STXBP3: variants seen among roughly 807,000 people sequenced by gnomAD.
STXBP3 encodes the protein syntaxin binding protein 3.
In STXBP3, 41 loss-of-function variants were observed where a neutral mutation model predicts 85.7. The observed-to-expected ratio is 0.48, with a 90% CI of 0.37 to 0.62. The LOEUF is 0.62. Among genes scored for constraint, STXBP3 ranks in the 20% least tolerant of loss-of-function variants. The pLI, the probability that STXBP3 is intolerant of heterozygous loss-of-function variation, is 0.00. For synonymous variants in STXBP3, 229 were observed against 231.7 expected (o/e 0.99, Z 0.10); for missense variants, 563 against 703.1 (o/e 0.80, Z 2.25).
At chr1:108,787,352 C>A (rs1225065254) in intron 11 of STXBP3, among the ~76,000 whole-genome samples, 1 of 152,060 alleles carries the variant, frequency 6.6e-6, no homozygotes, top group Non-Finnish European at 1.5e-5. Context: ...CCAGAGGTGT[C>A]CAAAGGAGAG....
chr1:108,802,403 A>C lies in STXBP3; in HGVS notation c.1535+2098A>C, dbSNP rs1663250855. Among the ~76,000 whole-genome samples, 4 of 152,052 alleles carry C rather than the reference A, an allele frequency of 2.6e-5. No homozygotes were observed. The South Asian group carries it at 8.3e-4, about 32-fold the overall frequency. On this transcript the variant is annotated intron_variant, in intron 17 of 18. Coordinates refer to ENST00000370008, the MANE Select transcript of STXBP3 (RefSeq NM_007269.4). ...CAGAGCAAGACTCCACCTCAAATTAATTAATTAATTAATTTATTTATTTGT... is the reference window on the plus strand; with the variant it reads ...CAGAGCAAGACTCCACCTCAAATTACTTAATTAATTAATTTATTTATTTGT...
chr1:108,750,329 G>T (rs1487408029), intron 1 of STXBP3, among the ~76,000 whole-genome samples: 1 of 152,098 alleles, frequency 6.6e-6, no homozygotes, highest in Non-Finnish European at 1.5e-5. Flanking sequence ...TAGGGTTCTA[G>T]AAGCCAGCGC....
intron 6 of STXBP3, among the ~76,000 whole-genome samples, chr1:108,770,272 G>A (rs1662355906): frequency 6.6e-6 from 1 of 152,162 alleles, no homozygotes; most frequent in African/African-American, 2.4e-5. Context: ...TCCAGCCTGG[G>A]TGACAGAGTG....
At chr1:108,797,989 A>G (rs1663144779) in intron 15 of STXBP3, among the ~76,000 whole-genome samples, 156 bp from the exon 16 acceptor site, 1 of 152,210 alleles carries the variant, frequency 6.6e-6, no homozygotes, top group African/African-American at 2.4e-5. Flanking sequence ...ATGCGACCAC[A>G]CTCAGATTTT....
intron 11 of STXBP3, among the ~76,000 whole-genome samples, chr1:108,786,006 C>G (rs1373076860): frequency 1.3e-5 from 2 of 152,204 alleles, no homozygotes; most frequent in Non-Finnish European, 2.9e-5. Context: ...CCAAACTGTT[C>G]AACCTCTGCC....
intron 11 of STXBP3, among the ~76,000 whole-genome samples, chr1:108,790,388 A>G (rs918847921): frequency 2.0e-5 from 3 of 152,042 alleles, no homozygotes; most frequent in South Asian, 2.1e-4. Flanking sequence ...TAATACCACT[A>G]TATCTTCTTT....
In STXBP3 at chr1:108,771,580, ATATC is replaced by A. The variant is rs1428213521; in HGVS notation, c.439-1081_439-1078del. Among the ~76,000 whole-genome samples the A allele has an allele frequency of 7.3e-5, 3 of 41,260 alleles. 1 individual carries two copies. The highest frequency in any genetic ancestry group is 1.4e-4 in the Non-Finnish European group (3 of 20,854). 27.1% of individuals were successfully genotyped at this position (41,260 alleles called of 152,430 possible). On this transcript the variant is annotated intron_variant, in intron 6 of 18. Coordinates refer to ENST00000370008, the MANE Select transcript of STXBP3 (RefSeq NM_007269.4). Reference sequence around the variant, plus strand: ...TATGATATATAAATATATATGATATATATCTATATATATCATATATAAATATATA... The same window carrying A: ...TATGATATATAAATATATATGATATATATATATATCATATATAAATATATA...
intron 11 of STXBP3, among the ~76,000 whole-genome samples, chr1:108,789,337 T>A (rs891346275): frequency 6.6e-6 from 1 of 152,152 alleles, no homozygotes; most frequent in African/African-American, 2.4e-5. Flanking sequence ...ATTTTTTTTT[T>A]AACCTCATCA....
chr1:108,783,923 G>A (rs972291314), intron 11 of STXBP3, among the ~76,000 whole-genome samples: 8 of 152,058 alleles, frequency 5.3e-5, no homozygotes, highest in African/African-American at 1.2e-4. Context: ...GTGCATATTG[G>A]CCATTAGGAT....
chr1:108,763,595 G>A (rs957779767), intron 6 of STXBP3, among the ~76,000 whole-genome samples: 14 of 151,826 alleles, frequency 9.2e-5, no homozygotes, highest in Non-Finnish European at 1.6e-4. Context: ...TTTTTTTTGA[G>A]ACAGAGTTTC....
At chr1:108,779,877 T>A (rs977402716) in intron 9 of STXBP3, 1 of 152,258 alleles carries the variant, frequency 6.6e-6, no homozygotes, top group African/African-American at 2.4e-5. Context: ...GGCATAGTTT[T>A]ACCATTTTGG....
Position 108,772,738 on chromosome 1 carries a change from A to G in STXBP3, c.512A>G (p.Asp171Gly). ...SPDPGNAKGKDAIMETMADQI... is the reference protein window; with the variant it reads ...SPDPGNAKGKGAIMETMADQI... ...GACCCTGGTAATGCAAAGGGAAAAG[A>G]TGCCATTATGGAAACAATGGCTGAC... The change falls in exon 7 of 19, where the codon GAT (aspartate) becomes GGT (glycine). Residue 171 changes from aspartate (D) to glycine (G), a missense_variant. Around this residue, in one of 3 missense-constraint regions of STXBP3, gnomAD observed 494 missense variants for 592.8 expected, o/e 0.83. Transcript: ENST00000370008. 6.2e-7 allele frequency: 1 copy of G among 1,605,268 alleles called. No homozygotes were observed. Among genetic ancestry groups the G allele is most frequent in the South Asian group, 1.1e-5 (1 of 89,904 alleles).
intron 6 of STXBP3, among the ~76,000 whole-genome samples, 164 bp from the exon 7 acceptor site, chr1:108,772,501 C>G (rs918316342): frequency 1.1e-4 from 16 of 142,578 alleles, no homozygotes; most frequent in African/African-American, 4.1e-4. Flanking sequence ...TGATATCTAT[C>G]TATATATAAT....
Position 108,776,331 on chromosome 1 carries a change from A to G in STXBP3, c.594-2A>G. On this transcript the variant is annotated splice_acceptor_variant, in intron 7 of 18. Transcript: ENST00000370008. LOFTEE classifies it high-confidence loss of function. ...TTGTTTGATCCTTTTTTCCATTTCT[A>G]GTAAACCTCTAGATAATGCCAGTAA... 1 of 1,595,696 alleles carries G rather than the reference A, an allele frequency of 6.3e-7. No individual in the cohort carries two copies. The highest frequency in any genetic ancestry group is 8.5e-7 in the Non-Finnish European group (1 of 1,169,792).
intron 1 of STXBP3, 141 bp from the exon 2 acceptor site, chr1:108,752,116 C>T (rs949613791): frequency 8.8e-6 from 6 of 682,658 alleles, no homozygotes; most frequent in Admixed American, 6.1e-5. Flanking sequence ...TGGATTTTTC[C>T]GTAAGGTTTA....
chr1:108,752,966 G>A (rs1661935386), intron 2 of STXBP3, 97 bp from the exon 3 acceptor site: 1 of 854,792 alleles, frequency 1.2e-6, no homozygotes, highest in Non-Finnish European at 1.7e-6. Context: ...GATATTTTGT[G>A]TTATAAAAGG....
intron 7 of STXBP3, among the ~76,000 whole-genome samples, chr1:108,775,396 A>G (rs1662564436): frequency 6.6e-6 from 1 of 152,102 alleles, no homozygotes; most frequent in South Asian, 2.1e-4. Context: ...GATATCTATC[A>G]CCTCAAGCAT....
At chr1:108,797,047 T>C (rs1033687697) in intron 15 of STXBP3, among the ~76,000 whole-genome samples, 2 of 152,114 alleles carry the variant, frequency 1.3e-5, no homozygotes, top group African/African-American at 4.8e-5. Flanking sequence ...AGTATATATT[T>C]TCTTGATTAA....
intron 11 of STXBP3, among the ~76,000 whole-genome samples, chr1:108,784,135 C>T (rs1662778254): frequency 6.6e-6 from 1 of 152,004 alleles, no homozygotes; most frequent in Non-Finnish European, 1.5e-5. Context: ...TTCTCTGTGT[C>T]CTTAGAAGTC....
Sources: gnomAD v4.1 joint callset for allele counts (sites outside exome capture counted in the v4.1 genomes callset) on GRCh38, gnomAD v4.1.1 for gene constraint, gnomAD v4.1.1 regional missense constraint, MANE v1.5 for transcripts, NCBI Gene and HGNC (gene_info 2026-07-23, HGNC 2026-07-21) for gene names.